The following CUBN variants were observed in gnomAD, a reference collection of about 807,000 sequenced individuals.
The protein encoded by CUBN is cubilin, also known as 460 kDa receptor.
A neutral mutation model predicts 405.3 loss-of-function variants in CUBN; 282 were observed. That is an observed-to-expected ratio of 0.70 (90% confidence interval 0.63 to 0.77). CUBN has a LOEUF of 0.77. Ranked by LOEUF, CUBN falls within the 30% of genes least tolerant of loss-of-function variation. The pLI, the probability that CUBN is intolerant of heterozygous loss-of-function variation, is 0.00. For synonymous variants in CUBN, 1,684 were observed against 1,617.0 expected, an observed-to-expected ratio of 1.04 and a Z score of -0.99; for missense variants, 4,514 against 4,475.2, an observed-to-expected ratio of 1.01 and a Z score of -0.25.
At chr10:16,901,567 AG>A in intron 51 of CUBN, 108 bp from the exon 52 acceptor site, 1 of 1,431,330 alleles carries the variant, frequency 7.0e-7, no homozygotes, top group Non-Finnish European at 9.6e-7. Context: ...TTAAAAACAT[AG>A]TAAGGCCAGG....
chr10:17,060,603 A>T (rs769932328), intron 22 of CUBN, among the ~76,000 whole-genome samples: 1 of 152,228 alleles, frequency 6.6e-6, no homozygotes, highest in Non-Finnish European at 1.5e-5. Context: ...AATTATGAGA[A>T]AACACTAGCC....
At chr10:17,010,070 C>T (rs766345610) in intron 28 of CUBN, among the ~76,000 whole-genome samples, 7 of 152,318 alleles carry the variant, frequency 4.6e-5, no homozygotes, top group Admixed American at 2.0e-4. Flanking sequence ...TGCAGATTCA[C>T]GGGCCTTGCC....
chr10:17,098,340 C>G (rs537908236), intron 14 of CUBN, among the ~76,000 whole-genome samples: 10 of 152,196 alleles, frequency 6.6e-5, no homozygotes, highest in African/African-American at 2.2e-4. Context: ...AAATCAGAAA[C>G]AAAGTCAAAT....
chr10:17,084,665 A>T (rs1836063045), intron 16 of CUBN, among the ~76,000 whole-genome samples: 1 of 152,218 alleles, frequency 6.6e-6, no homozygotes, highest in African/African-American at 2.4e-5. Context: ...GCTTAAAGAA[A>T]TAGATGCAGA....
intron 54 of CUBN, among the ~76,000 whole-genome samples, chr10:16,896,037 T>C (rs369124278): frequency 9.8e-5 from 15 of 152,318 alleles, no homozygotes; most frequent in African/African-American, 2.9e-4. Flanking sequence ...TAGTGGTTGT[T>C]CTGTGTGTGA....
intron 10 of CUBN, 38 bp from the exon 11 acceptor site, chr10:17,105,613 T>C (rs1175565007): frequency 8.9e-7 from 1 of 1,129,018 alleles, no homozygotes; most frequent in South Asian, 1.2e-5. Flanking sequence ...AATACAGGTC[T>C]CCTCCTCTGT....
At chr10:17,128,275 T>A (rs1388125941) in intron 2 of CUBN, among the ~76,000 whole-genome samples, 1 of 152,222 alleles carries the variant, frequency 6.6e-6, no homozygotes, top group Non-Finnish European at 1.5e-5. Context: ...GTTACCTAAC[T>A]GCTTCAGGGT....
At chr10:16,964,020 T>A (rs957746288) in intron 31 of CUBN, among the ~76,000 whole-genome samples, 1 of 152,202 alleles carries the variant, frequency 6.6e-6, no homozygotes, top group Non-Finnish European at 1.5e-5. Flanking sequence ...CTTGAACAGT[T>A]CATTTCTGTT....
At chr10:17,112,657 G>GT (rs1035178974) in intron 8 of CUBN, among the ~76,000 whole-genome samples, 19 of 149,000 alleles carry the variant, frequency 1.3e-4, no homozygotes, top group Middle Eastern at 3.5e-3. Context: ...GTCTTTATAG[G>GT]TTTTTTTTTT....
chr10:16,859,600 C>A (rs1839959020), intron 59 of CUBN, among the ~76,000 whole-genome samples: 1 of 151,994 alleles, frequency 6.6e-6, no homozygotes, highest in Non-Finnish European at 1.5e-5. Context: ...AAAATAAATG[C>A]CAAATTAGAA....
chr10:17,119,251 G>A (rs1836976346), intron 6 of CUBN, among the ~76,000 whole-genome samples: 1 of 152,206 alleles, frequency 6.6e-6, no homozygotes, highest in African/African-American at 2.4e-5. Context: ...TGGAAAACCA[G>A]AGAAACTCAA....
At chr10:16,917,702 T>C (rs1327663644) in intron 45 of CUBN, among the ~76,000 whole-genome samples, 1 of 152,176 alleles carries the variant, frequency 6.6e-6, no homozygotes, top group African/African-American at 2.4e-5. Context: ...TTTACTAAGA[T>C]TACTTTTTAA....
intron 54 of CUBN, among the ~76,000 whole-genome samples, chr10:16,894,531 A>T (rs1391513920): frequency 3.3e-5 from 5 of 152,146 alleles, no homozygotes; most frequent in Non-Finnish European, 7.4e-5. Context: ...GTGTGAGTGT[A>T]TTTCTAGGTT....
intron 59 of CUBN, among the ~76,000 whole-genome samples, chr10:16,861,142 T>C (rs1288938300): frequency 6.6e-6 from 1 of 152,088 alleles, no homozygotes; most frequent in African/African-American, 2.4e-5. Flanking sequence ...TCTCCATAGA[T>C]TGTCCATTTT....
chr10:16,841,694 G>T (rs1839353490), intron 60 of CUBN, among the ~76,000 whole-genome samples: 1 of 152,124 alleles, frequency 6.6e-6, no homozygotes. Context: ...TGCCTGGAAT[G>T]CTCTTCCCTG....
rs780986467 is a variant in CUBN, at chr10:16,925,340, T to C, written c.6547A>G (p.Thr2183Ala). 6 of 1,613,684 alleles carry C rather than the reference T, an allele frequency of 3.7e-6. No homozygotes were observed. Among genetic ancestry groups the C allele is most frequent in the South Asian group, 1.1e-5 (1 of 91,082 alleles). ...GHFCGSHASS[T>A]LFTSDNQMFV... Reference sequence around the variant, plus strand: ...ATTTGATTATCCGAGGTGAACAGAGTTGATGAAGCATGACTGCCACAAAAA... The same window carrying C: ...ATTTGATTATCCGAGGTGAACAGAGCTGATGAAGCATGACTGCCACAAAAA... The change falls in exon 43 of 67, where the codon ACT becomes GCT. Residue 2183 changes from threonine to alanine, a missense_variant. Physicochemically the swap from Thr to Ala is moderately conservative, Grantham distance 58. Coordinates refer to ENST00000377833, the MANE Select transcript of CUBN (RefSeq NM_001081.4).
At chr10:17,066,319 T>C (rs1248670168) in intron 21 of CUBN, among the ~76,000 whole-genome samples, 1 of 152,182 alleles carries the variant, frequency 6.6e-6, no homozygotes, top group African/African-American at 2.4e-5. Flanking sequence ...CAGAATGCCA[T>C]GAGCTTTTAT....
chr10:16,903,408 G>A (rs1389853888), intron 51 of CUBN, among the ~76,000 whole-genome samples: 2 of 151,880 alleles, frequency 1.3e-5, no homozygotes, highest in Admixed American at 1.3e-4. Context: ...AATATTCGAT[G>A]GTGGCCCTAG....
chr10:16,926,160 C>T (rs766436627), intron 41 of CUBN, among the ~76,000 whole-genome samples: 10 of 152,078 alleles, frequency 6.6e-5, no homozygotes, highest in East Asian at 3.9e-4. Flanking sequence ...AGAAAAGCCA[C>T]GTCATTGGAG....
Sources: allele counts gnomAD v4.1 joint callset (sites outside exome capture counted in the v4.1 genomes callset), GRCh38; gene constraint gnomAD v4.1.1; transcripts MANE v1.5; gene names NCBI Gene and HGNC (gene_info 2026-07-23, HGNC 2026-07-21).